TMPRSS11A: variants seen among roughly 807,000 people sequenced by gnomAD.
The protein encoded by TMPRSS11A is transmembrane serine protease 11A.
In TMPRSS11A, 53 loss-of-function variants were observed where a neutral mutation model predicts 58.9. The ratio of observed to expected loss-of-function variants is 0.90; its 90% CI spans 0.72 to 1.13. The LOEUF (loss-of-function observed/expected upper bound fraction) is 1.13. Among genes scored for constraint, TMPRSS11A ranks in the 50% most tolerant of loss-of-function variants. The pLI, the probability that TMPRSS11A is intolerant of heterozygous loss-of-function variation, is 0.00. For synonymous variants in TMPRSS11A, 167 were observed against 169.8 expected (o/e 0.98, Z 0.13); for missense variants, 493 against 499.3 (o/e 0.99, Z 0.12).
intron 3 of TMPRSS11A, among the ~76,000 whole-genome samples, chr4:67,940,426 T>C (rs934879358): frequency 6.6e-6 from 1 of 152,162 alleles, no homozygotes; most frequent in East Asian, 1.9e-4. Flanking sequence ...GAACTCAATA[T>C]TGGTCTGTTC....
intron 3 of TMPRSS11A, among the ~76,000 whole-genome samples, chr4:67,941,349 A>T (rs1021549648): frequency 1.3e-5 from 2 of 152,168 alleles, no homozygotes; most frequent in South Asian, 4.1e-4. Context: ...CTGGTGCGGG[A>T]TGGGAGGAGA....
intron 7 of TMPRSS11A, among the ~76,000 whole-genome samples, chr4:67,922,318 C>A (rs957770074): frequency 6.6e-6 from 1 of 152,166 alleles, no homozygotes; most frequent in African/African-American, 2.4e-5. Context: ...TACCAACTTC[C>A]GGCATTTATT....
intron 4 of TMPRSS11A, among the ~76,000 whole-genome samples, chr4:67,930,766 CA>C (rs1311133540): frequency 4.8e-5 from 3 of 61,864 alleles, no homozygotes; most frequent in African/African-American, 1.8e-4. Flanking sequence ...AAAAAAAAAA[CA>C]AAAAACCTTG....
chr4:67,935,283 C>T (rs7356436), intron 3 of TMPRSS11A, among the ~76,000 whole-genome samples: 2,522 of 152,258 alleles, frequency 0.017, 65 homozygotes, highest in African/African-American at 0.058. Flanking sequence ...TACTTTCAGG[C>T]ATGGCCCTCA....
intron 9 of TMPRSS11A, among the ~76,000 whole-genome samples, chr4:67,912,918 A>G (rs1293834030): frequency 6.6e-6 from 1 of 151,926 alleles, no homozygotes; most frequent in Non-Finnish European, 1.5e-5. Context: ...CAGAGCTCCT[A>G]TTCATTTGGT....
At chr4:67,930,807 C>T (rs1352420551) in intron 4 of TMPRSS11A, among the ~76,000 whole-genome samples, 2 of 34,916 alleles carry the variant, frequency 5.7e-5, no homozygotes, top group East Asian at 2.0e-3. Context: ...TGTTATCTCT[C>T]CTTTTTTTTT....
chr4:67,961,890 C>G (rs1295987769), intron 1 of TMPRSS11A, among the ~76,000 whole-genome samples: 1 of 152,034 alleles, frequency 6.6e-6, no homozygotes, highest in East Asian at 1.9e-4. Context: ...TAATTTACAT[C>G]CCTAAGCTGC....
At chr4:67,941,599 G>A (rs1720880845) in intron 3 of TMPRSS11A, among the ~76,000 whole-genome samples, 1 of 152,082 alleles carries the variant, frequency 6.6e-6, no homozygotes, top group African/African-American at 2.4e-5. Context: ...CAGGTGCCAA[G>A]AAATGCATGC....
At chr4:67,954,502 G>C (rs1240392416) in intron 1 of TMPRSS11A, among the ~76,000 whole-genome samples, 1 of 152,192 alleles carries the variant, frequency 6.6e-6, no homozygotes, top group Admixed American at 6.5e-5. Flanking sequence ...CTCAGTTAAA[G>C]GTCCCTCTCT....
chr4:67,942,543 A>G (rs549649441), intron 3 of TMPRSS11A, among the ~76,000 whole-genome samples: 17 of 152,328 alleles, frequency 1.1e-4, no homozygotes, highest in African/African-American at 4.1e-4. Context: ...TACCCAGCCT[A>G]TGGTACTTTT....
rs1317524383 is a variant in TMPRSS11A at position 67,919,108 on chromosome 4, T to G, written c.817A>C (p.Ile273Leu). ...KYRSAAREYD[I>L]AVVQVSSRVT... ...CTGGAAGAGACCTGCACAACAGCAA[T>G]GTCGTACTCTCTTGCTGCAGAGCGG... Residue 273 changes from isoleucine to leucine, a missense_variant, in exon 8 of 10, where the codon ATT (isoleucine) becomes CTT (leucine). Ile to Leu is a conservative substitution (Grantham distance 5). Transcript: ENST00000508048. 6.2e-7 allele frequency: 1 copy of G among 1,614,080 alleles called. No homozygotes were observed. The highest frequency in any genetic ancestry group is 8.5e-7 in the Non-Finnish European group (1 of 1,180,030).
chr4:67,922,765 A>T lies in TMPRSS11A; in HGVS notation c.682T>A (p.Cys228Ser). The change falls in exon 7 of 10, where the codon TGC (cysteine) becomes AGC (serine). Residue 228 changes from cysteine (C) to serine (S), a missense_variant. By Grantham distance (112) the Cys-to-Ser change is moderately radical (BLOSUM62 -1). Coordinates refer to ENST00000508048, the MANE Select transcript of TMPRSS11A (RefSeq NM_001114387.2). ...SNTWLVTAAHCFQKYKNPHQW... is the reference protein window; with the variant it reads ...SNTWLVTAAHSFQKYKNPHQW... ...AGGTCAATAACTTACTTCTGGAAGC[A>T]GTGTGCTGCAGTGACAAGCCATGTG... The T allele has an allele frequency of 6.2e-7, 1 of 1,613,696 alleles. No individual in the cohort carries two copies. Among genetic ancestry groups the T allele is most frequent in the South Asian group, 1.1e-5 (1 of 91,028 alleles).
intron 1 of TMPRSS11A, among the ~76,000 whole-genome samples, chr4:67,950,774 T>C (rs1167585028): frequency 6.6e-6 from 1 of 152,222 alleles, no homozygotes; most frequent in Non-Finnish European, 1.5e-5. Context: ...ATGGTAAGCA[T>C]AGAATTAAAA....
At chr4:67,958,160 T>C (rs1721334465) in intron 1 of TMPRSS11A, among the ~76,000 whole-genome samples, 1 of 152,168 alleles carries the variant, frequency 6.6e-6, no homozygotes, top group African/African-American at 2.4e-5. Context: ...AAGTGAACTA[T>C]CAAGTCAGAG....
intron 7 of TMPRSS11A, among the ~76,000 whole-genome samples, chr4:67,922,068 A>G (rs1330834885): frequency 6.6e-6 from 1 of 152,232 alleles, no homozygotes; most frequent in African/African-American, 2.4e-5. Context: ...ACAATTTGCT[A>G]TTCTTCACTT....
chr4:67,935,649 C>G (rs1720734132), intron 3 of TMPRSS11A, among the ~76,000 whole-genome samples: 1 of 151,926 alleles, frequency 6.6e-6, no homozygotes. Context: ...GCTTTGCATG[C>G]TGTTGGTATG....
At chr4:67,943,743 A>T (rs1720934564) in intron 3 of TMPRSS11A, among the ~76,000 whole-genome samples, 1 of 152,190 alleles carries the variant, frequency 6.6e-6, no homozygotes, top group South Asian at 2.1e-4. Context: ...TGATGCCATT[A>T]GGTATACTAT....
In TMPRSS11A at chr4:67,932,140, A is replaced by C. The variant is rs1720642186; in HGVS notation, c.253-80T>G. Reference sequence around the variant, plus strand: ...TATATCCTTGATTAAATGTTAAAGCAATCAAAAATTTTTTCACAGAACTAA... The same window carrying C: ...TATATCCTTGATTAAATGTTAAAGCCATCAAAAATTTTTTCACAGAACTAA... On this transcript the variant is annotated intron_variant, in intron 3 of 9. Coordinates refer to ENST00000508048, the MANE Select transcript of TMPRSS11A (RefSeq NM_001114387.2). 7 of 825,592 alleles carry C rather than the reference A, an allele frequency of 8.5e-6. No individual in the cohort carries two copies. In the South Asian group the frequency reaches 1.3e-4, roughly 16 times the overall value. The allele number at this position is 825,592 out of a possible 1,614,324, so 51.1% of individuals were successfully genotyped here.
At chr4:67,937,494 T>C (rs1278840258) in intron 3 of TMPRSS11A, among the ~76,000 whole-genome samples, 1 of 152,192 alleles carries the variant, frequency 6.6e-6, no homozygotes, top group Non-Finnish European at 1.5e-5. Context: ...TTGATTTAGA[T>C]TTTAATAATT....
Sources: allele counts gnomAD v4.1 joint callset (sites outside exome capture counted in the v4.1 genomes callset), GRCh38; gene constraint gnomAD v4.1.1; transcripts MANE v1.5; gene names NCBI Gene and HGNC (gene_info 2026-07-23, HGNC 2026-07-21).